The following JAK2 variants were observed in gnomAD, a reference collection of about 807,000 sequenced individuals.
JAK2 encodes tyrosine-protein kinase JAK2.
In JAK2, 86 loss-of-function variants were observed where a neutral mutation model predicts 139.3. The observed-to-expected ratio is 0.62, with a 90% confidence interval of 0.52 to 0.74. The LOEUF (loss-of-function observed/expected upper bound fraction) is 0.74. Ranked by LOEUF, JAK2 falls within the 30% of genes least tolerant of loss-of-function variation. The probability of loss-of-function intolerance (pLI) is 0.00; values close to 1 mark genes in which losing one functional copy is unlikely to be tolerated. For missense variants in JAK2, 1,421 were observed against 1,360.3 expected (o/e 1.04, Z -0.70); for synonymous variants, 490 against 437.7 (o/e 1.12, Z -1.49).
intron 2 of JAK2, among the ~76,000 whole-genome samples, chr9:5,019,926 G>C (rs552563013): frequency 5.4e-4 from 82 of 152,328 alleles, no homozygotes; most frequent in Non-Finnish European, 6.9e-4. Context: ...AGTTGTGGCA[G>C]CAGTTGGACA....
intron 4 of JAK2, among the ~76,000 whole-genome samples, chr9:5,043,013 G>T (rs796821865): frequency 5.3e-5 from 8 of 152,330 alleles, no homozygotes; most frequent in African/African-American, 1.9e-4. Flanking sequence ...GCGTCGCGCG[G>T]CTCGGCCCCT....
chr9:5,090,771 C>T lies in JAK2; in HGVS notation c.2919C>T (p.Ile973=), dbSNP rs1037047217. ...GMEYLGTKRY[I]HRDLATRNIL... ...AGTATCTTGGTACAAAAAGGTATAT[C>T]CACAGGGATCTGGCAACGAGAAATA... Residue 973 remains isoleucine (I), a synonymous_variant, in exon 22 of 25, where the codon ATC becomes ATT. Coordinates refer to ENST00000381652, the MANE Select transcript of JAK2 (RefSeq NM_004972.4). The T allele has an allele frequency of 1.2e-6, 2 of 1,611,884 alleles. No individual in the cohort carries two copies. Among genetic ancestry groups the T allele is most frequent in the African/African-American group, 1.3e-5 (1 of 74,852 alleles).
intron 19 of JAK2, among the ~76,000 whole-genome samples, chr9:5,084,118 G>A (rs1452988938): frequency 6.6e-6 from 1 of 152,020 alleles, no homozygotes; most frequent in Non-Finnish European, 1.5e-5. Flanking sequence ...TTAAACATAA[G>A]TAAATTGAAG....
chr9:5,036,253 C>G (rs889539673), intron 4 of JAK2, among the ~76,000 whole-genome samples: 4 of 152,306 alleles, frequency 2.6e-5, no homozygotes, highest in Admixed American at 2.6e-4. Flanking sequence ...AAGAACATTC[C>G]ATGCTCATGG....
intron 22 of JAK2, among the ~76,000 whole-genome samples, chr9:5,105,242 A>G (rs952434116): frequency 1.1e-4 from 17 of 152,236 alleles, no homozygotes; most frequent in African/African-American, 4.1e-4. Flanking sequence ...TGCAAAAATC[A>G]CAAGCATTCC....
intron 2 of JAK2, among the ~76,000 whole-genome samples, chr9:5,009,218 C>T (rs1301188846): frequency 6.6e-6 from 1 of 151,848 alleles, no homozygotes; most frequent in Non-Finnish European, 1.5e-5. Flanking sequence ...TGTTAAACAC[C>T]TGTGGGAAAG....
intron 22 of JAK2, chr9:5,114,493 C>A (rs556895461): frequency 6.6e-5 from 31 of 466,796 alleles, no homozygotes; most frequent in Admixed American, 2.9e-4. Context: ...TGTGCTCCCC[C>A]ACAGGTCTAC....
At chr9:5,020,718 T>C (rs1478324002) in intron 2 of JAK2, among the ~76,000 whole-genome samples, 4 of 152,164 alleles carry the variant, frequency 2.6e-5, no homozygotes, top group Non-Finnish European at 5.9e-5. Flanking sequence ...CACATACCAA[T>C]ATATGGCAGC....
Position 5,066,712 on chromosome 9 carries a change from G to A in JAK2, c.1249G>A (p.Gly417Ser), listed in dbSNP as rs190968273. 79 of 1,609,876 alleles carry A rather than the reference G, an allele frequency of 4.9e-5. No individual in the cohort carries two copies. The Middle Eastern group carries it at 8.3e-4, about 17-fold the overall frequency. ...DFAISKLKKA[G>S]NQTGLYVLRC... The stretch of plus-strand genomic sequence containing the variant: ...TGCCATTAGTAAACTGAAGAAAGCA[G>A]GTAATCAGACTGGACTGTATGTACT... Residue 417 changes from glycine (G) to serine (S), a missense_variant, in exon 10 of 25, where the codon GGT becomes AGT. By Grantham distance (56) the Gly-to-Ser change is moderately conservative (BLOSUM62 0). Coordinates refer to ENST00000381652, the MANE Select transcript of JAK2 (RefSeq NM_004972.4).
At chr9:5,014,575 G>T (rs1049995463) in intron 2 of JAK2, among the ~76,000 whole-genome samples, 1 of 152,198 alleles carries the variant, frequency 6.6e-6, no homozygotes, top group Non-Finnish European at 1.5e-5. Flanking sequence ...AGCAGGGACT[G>T]ATGGAGAAGG....
chr9:5,080,988 A>C (rs866794214), intron 18 of JAK2, among the ~76,000 whole-genome samples: 11 of 143,422 alleles, frequency 7.7e-5, no homozygotes, highest in Admixed American at 1.5e-4. Flanking sequence ...CTCCACCTCC[A>C]AGGTTCACGC....
intron 4 of JAK2, among the ~76,000 whole-genome samples, chr9:5,030,780 A>G (rs900878863): frequency 1.3e-5 from 2 of 152,254 alleles, no homozygotes; most frequent in African/African-American, 4.8e-5. Flanking sequence ...CCCCTATTCT[A>G]TATAAAAATA....
intron 4 of JAK2, among the ~76,000 whole-genome samples, chr9:5,032,114 C>T (rs1462070449): frequency 1.3e-5 from 2 of 152,256 alleles, no homozygotes; most frequent in Admixed American, 6.5e-5. Context: ...CCGCGCCTGG[C>T]TCAGAGGGTC....
chr9:5,018,139 A>G (rs1465612914), intron 2 of JAK2, among the ~76,000 whole-genome samples: 1 of 151,966 alleles, frequency 6.6e-6, no homozygotes, highest in Non-Finnish European at 1.5e-5. Flanking sequence ...TCATTTTATT[A>G]ATTGATTTCT....
chr9:5,096,794 A>T (rs1019214196), intron 22 of JAK2: 1 of 152,166 alleles, frequency 6.6e-6, no homozygotes, highest in Non-Finnish European at 1.5e-5. Context: ...AATTAGGTCA[A>T]CCAGGAACTC....
chr9:5,102,910 G>C (rs7032780), intron 22 of JAK2, among the ~76,000 whole-genome samples: 39,952 of 151,828 alleles, frequency 0.26, 5,433 homozygotes, highest in African/African-American at 0.33. Context: ...AACATGGAAA[G>C]GAACAACCAG....
intron 20 of JAK2, 51 bp from the exon 21 acceptor site, chr9:5,090,395 A>G (rs750738278): frequency 7.8e-7 from 1 of 1,280,804 alleles, no homozygotes; most frequent in East Asian, 2.6e-5. Flanking sequence ...CTAATATTTA[A>G]TCAGTATAAT....
chr9:5,093,839 C>T (rs1481628310), intron 22 of JAK2, among the ~76,000 whole-genome samples: 1 of 152,124 alleles, frequency 6.6e-6, no homozygotes, highest in Non-Finnish European at 1.5e-5. Flanking sequence ...TTCATTTATT[C>T]AATGATTAAA....
At chr9:5,079,828 A>T (rs10974952) in intron 16 of JAK2, among the ~76,000 whole-genome samples, 35,128 of 149,394 alleles carry the variant, frequency 0.24, 4,397 homozygotes, top group South Asian at 0.31. Context: ...CAAAAAAAAA[A>T]TTTTTTTTTT....
Sources: allele counts gnomAD v4.1 joint callset (sites outside exome capture counted in the v4.1 genomes callset), GRCh38; gene constraint gnomAD v4.1.1; transcripts MANE v1.5; gene names NCBI Gene and HGNC (gene_info 2026-07-23, HGNC 2026-07-21).